Variants in TAOK3 observed in about 807,000 individuals in gnomAD.
TAOK3 encodes the protein TAO kinase 3.
A neutral mutation model predicts 120.4 loss-of-function variants in TAOK3; 40 were observed. That is an observed-to-expected ratio of 0.33 (90% CI 0.26 to 0.43). The LOEUF is 0.43. TAOK3 is among the 20% of genes least tolerant of loss of function. TAOK3 has a pLI of 1.00. For synonymous variants in TAOK3, 355 were observed against 387.5 expected (o/e 0.92, Z 0.99); for missense variants, 821 against 1,112.1 (o/e 0.74, Z 3.72).
Position 118,212,966 on chromosome 12 carries a change from T to C in TAOK3, c.767A>G (p.Tyr256Cys). 1 of 1,612,930 alleles carries C rather than the reference T, an allele frequency of 6.2e-7. No homozygotes were observed. The highest frequency in any genetic ancestry group is 8.5e-7 in the Non-Finnish European group (1 of 1,179,632). ...WTDSFRRFVD[Y>C]CLQKIPQERP... ...TTCCTGAGGTATTTTCTGCAAGCAG[T>C]AATCAACAAATCTCCTAAAGGAGTC... Residue 256 changes from tyrosine to cysteine, a missense_variant, in exon 11 of 21, where the codon TAC becomes TGC. Physicochemically the swap from Tyr to Cys is radical, Grantham distance 194. Transcript: ENST00000392533.
chr12:118,226,059 G>C (rs566361836), intron 9 of TAOK3, among the ~76,000 whole-genome samples: 1 of 152,156 alleles, frequency 6.6e-6, no homozygotes, highest in East Asian at 1.9e-4. Context: ...GGCCAACAAG[G>C]TAAAACTCCG....
intron 3 of TAOK3, among the ~76,000 whole-genome samples, chr12:118,251,235 G>T (rs1205608732): frequency 6.6e-6 from 1 of 152,132 alleles, no homozygotes; most frequent in Non-Finnish European, 1.5e-5. Context: ...GGTAATAATG[G>T]TACAAGTAAC....
chr12:118,361,400 T>C (rs1237518422), intron 1 of TAOK3, among the ~76,000 whole-genome samples: 1 of 151,760 alleles, frequency 6.6e-6, no homozygotes, highest in East Asian at 1.9e-4. Context: ...ACCCCGAGAG[T>C]AGAATTTGCA....
chr12:118,306,012 G>T (rs2043040840), intron 1 of TAOK3, among the ~76,000 whole-genome samples: 1 of 151,814 alleles, frequency 6.6e-6, no homozygotes, highest in Non-Finnish European at 1.5e-5. Flanking sequence ...TCACTTTTCA[G>T]ATATTTACAA....
At chr12:118,332,203 GTTTC>G (rs1369578539) in intron 1 of TAOK3, among the ~76,000 whole-genome samples, 1 of 152,196 alleles carries the variant, frequency 6.6e-6, no homozygotes, top group East Asian at 1.9e-4. Context: ...TATACTAATT[GTTTC>G]TTTCTTAAGA....
At chr12:118,188,036 T>C (rs913776997) in intron 14 of TAOK3, among the ~76,000 whole-genome samples, 4 of 152,066 alleles carry the variant, frequency 2.6e-5, no homozygotes, top group Admixed American at 1.3e-4. Context: ...AATCTCTTGC[T>C]GGGAGGTAGG....
chr12:118,335,806 G>A (rs1032937535), intron 1 of TAOK3, among the ~76,000 whole-genome samples: 1 of 152,166 alleles, frequency 6.6e-6, no homozygotes, highest in Non-Finnish European at 1.5e-5. Flanking sequence ...TCCAGTCTGG[G>A]CGACAGAGTG....
chr12:118,278,509 G>A (rs903066117), intron 1 of TAOK3, among the ~76,000 whole-genome samples: 1 of 152,170 alleles, frequency 6.6e-6, no homozygotes, highest in East Asian at 1.9e-4. Flanking sequence ...ATTCCATGGT[G>A]TATATGCACC....
intron 1 of TAOK3, among the ~76,000 whole-genome samples, chr12:118,348,636 G>A (rs1213462470): frequency 6.6e-6 from 1 of 151,886 alleles, no homozygotes; most frequent in Non-Finnish European, 1.5e-5. Context: ...ATTTTTAGTA[G>A]AGACAGGGTT....
At chr12:118,323,264 G>C (rs1220519771) in intron 1 of TAOK3, among the ~76,000 whole-genome samples, 1 of 151,718 alleles carries the variant, frequency 6.6e-6, no homozygotes, top group African/African-American at 2.4e-5. Flanking sequence ...GAAACAACAG[G>C]GTCTCAAAAA....
intron 3 of TAOK3, among the ~76,000 whole-genome samples, chr12:118,248,224 T>C (rs2040601123): frequency 6.8e-6 from 1 of 147,042 alleles, no homozygotes; most frequent in Non-Finnish European, 1.5e-5. Context: ...AAACCCACAA[T>C]AACGTACTAC....
intron 1 of TAOK3, among the ~76,000 whole-genome samples, chr12:118,285,801 C>T (rs773729054): frequency 1.9e-4 from 29 of 152,114 alleles, no homozygotes; most frequent in Non-Finnish European, 2.9e-4. Context: ...ACAACATGTG[C>T]CCAAGGTGGT....
intron 1 of TAOK3, among the ~76,000 whole-genome samples, chr12:118,352,495 ACT>A (rs1378553887): frequency 1.3e-5 from 2 of 150,138 alleles, no homozygotes; most frequent in Non-Finnish European, 3.0e-5. Flanking sequence ...ACACAGCGAG[ACT>A]CTGTCTCAAA....
At chr12:118,259,886 G>A (rs2041150324) in intron 2 of TAOK3, among the ~76,000 whole-genome samples, 1 of 152,160 alleles carries the variant, frequency 6.6e-6, no homozygotes, top group Admixed American at 6.5e-5. Context: ...CTTCAGCTGA[G>A]CACTGATTAG....
Position 118,170,206 on chromosome 12 carries a change from C to A in TAOK3, c.1899+2251G>T, listed in dbSNP as rs1362419552. 5.3e-5 allele frequency among the ~76,000 whole-genome samples: 8 copies of A among 151,554 alleles called. No individual in the cohort carries two copies. In the East Asian group the frequency reaches 1.2e-3, roughly 22 times the overall value. ...TTTCATCATTGCCCCTATAAGGAGGCTTTCTAGGCTTTTTCTCCCTTAATT... is the reference window on the plus strand; with the variant it reads ...TTTCATCATTGCCCCTATAAGGAGGATTTCTAGGCTTTTTCTCCCTTAATT... On this transcript the variant is annotated intron_variant, in intron 17 of 20. Coordinates refer to ENST00000392533, the MANE Select transcript of TAOK3 (RefSeq NM_016281.4).
intron 9 of TAOK3, among the ~76,000 whole-genome samples, chr12:118,216,928 C>CAAAAAAA (rs11298822): frequency 2.2e-4 from 20 of 89,908 alleles, no homozygotes; most frequent in East Asian, 6.1e-4. Context: ...GACTCCATCT[C>CAAAAAAA]AAAAAAAAAA....
Position 118,197,898 on chromosome 12 carries a change from G to A in TAOK3, c.1194+1153C>T, listed in dbSNP as rs112262054. ...GAGACGGGGTTTCACCATGTTAGCC[G>A]GGATGGTCTCGATCTCCTGACCTCG... On this transcript the variant is annotated intron_variant, in intron 13 of 20. Coordinates refer to ENST00000392533, the MANE Select transcript of TAOK3 (RefSeq NM_016281.4). Among the ~76,000 whole-genome samples, 1,256 of 151,754 alleles carry A rather than the reference G, an allele frequency of 8.3e-3. 18 individuals carry two copies. The highest frequency in any genetic ancestry group is 0.029 in the African/African-American group (1,215 of 41,386).
chr12:118,177,499 C>CAAAA (rs199778098), intron 15 of TAOK3, among the ~76,000 whole-genome samples, 170 bp from the exon 16 acceptor site: 1 of 142,686 alleles, frequency 7.0e-6, no homozygotes, highest in Non-Finnish European at 1.5e-5. Flanking sequence ...TAAAGAAACA[C>CAAAA]AAAAAAAAAA....
intron 1 of TAOK3, among the ~76,000 whole-genome samples, chr12:118,351,482 CA>C (rs2045151784): frequency 1.3e-5 from 2 of 152,142 alleles, no homozygotes; most frequent in African/African-American, 4.8e-5. Flanking sequence ...AGCCAAGCAT[CA>C]AAACAAACTC....
Sources: gnomAD v4.1 joint callset for allele counts (sites outside exome capture counted in the v4.1 genomes callset) on GRCh38, gnomAD v4.1.1 for gene constraint, MANE v1.5 for transcripts, NCBI Gene and HGNC (gene_info 2026-07-23, HGNC 2026-07-21) for gene names.